The following IGSF23 variants were observed in gnomAD, a reference collection of about 807,000 sequenced individuals.
IGSF23 encodes the protein immunoglobulin superfamily member 23.
In IGSF23, 14 loss-of-function variants were observed where a neutral mutation model predicts 17.8. The observed-to-expected ratio is 0.79, with a 90% CI of 0.52 to 1.23. The LOEUF (loss-of-function observed/expected upper bound fraction) is 1.23, where lower values mean the gene tolerates loss of function less well. IGSF23 is among the 50% of genes most tolerant of loss of function. The pLI is 0.00. For synonymous variants in IGSF23, 85 were observed against 92.5 expected (o/e 0.92, Z 0.46); for missense variants, 214 against 241.7 (o/e 0.89, Z 0.76).
rs1474411038 is a variant in IGSF23, at chr19:44,621,893, C to CACA, written c.126-1814_126-1813insACA. ...TGGGTCTCGCATGCAGTATAACAAG[C>CACA]CATGGATTAACACGTGTGCTTGGCT... On this transcript the variant is annotated intron_variant, in intron 1 of 4. Coordinates refer to ENST00000402988, the MANE Select transcript of IGSF23 (RefSeq NM_001205280.2). Among the ~76,000 whole-genome samples, 40 of 152,234 alleles carry CACA rather than the reference C, an allele frequency of 2.6e-4. 1 individual carries two copies. The South Asian group carries it at 8.3e-3, about 32-fold the overall frequency.
intron 3 of IGSF23, among the ~76,000 whole-genome samples, chr19:44,629,399 G>T (rs1265364425): frequency 6.8e-6 from 1 of 146,122 alleles, no homozygotes; most frequent in Non-Finnish European, 1.5e-5. Context: ...CAAAACTAAA[G>T]TTTTTTTTTT....
At chr19:44,626,854 G>A (rs1972659986) in intron 2 of IGSF23, among the ~76,000 whole-genome samples, 1 of 151,902 alleles carries the variant, frequency 6.6e-6, no homozygotes, top group Non-Finnish European at 1.5e-5. Context: ...CCCAGGAGGT[G>A]GAGGTTGTAG....
At chr19:44,628,872 G>T (rs1019628949) in intron 3 of IGSF23, among the ~76,000 whole-genome samples, 1 of 152,166 alleles carries the variant, frequency 6.6e-6, no homozygotes, top group Non-Finnish European at 1.5e-5. Context: ...AACGAGTCAG[G>T]GAAGGCCTCC....
At position 44,627,438 on chromosome 19, in the gene IGSF23, C is replaced by T. The variant is rs890361315; in HGVS notation, c.410C>T (p.Thr137Ile). ...TCCCCAGAACCCATCATGCAGCCCA[C>T]AGAAGCAGAGCCCATGGAGCCAGAC... ...ISLPKPIMQPTEAEPMEPDPT... is the reference protein window; with the variant it reads ...ISLPKPIMQPIEAEPMEPDPT... The change falls in exon 3 of 5, where the codon ACA (threonine) becomes ATA (isoleucine). Residue 137 changes from threonine (T) to isoleucine (I), a missense_variant. Coordinates refer to ENST00000402988, the MANE Select transcript of IGSF23 (RefSeq NM_001205280.2). 3.4e-5 allele frequency: 53 copies of T among 1,545,446 alleles called. No individual in the cohort carries two copies. The East Asian group carries it at 1.2e-3, about 34-fold the overall frequency.
intron 1 of IGSF23, among the ~76,000 whole-genome samples, chr19:44,621,327 G>C (rs1972516202): frequency 1.3e-5 from 2 of 148,672 alleles, no homozygotes; most frequent in African/African-American, 5.0e-5. Context: ...CAAAGGACTT[G>C]ACTTCTTTGA....
chr19:44,620,274 C>T (rs1972484877), intron 1 of IGSF23, among the ~76,000 whole-genome samples: 1 of 151,806 alleles, frequency 6.6e-6, no homozygotes. Context: ...GTTTTTACTC[C>T]CCTCCCAGAG....
intron 1 of IGSF23, among the ~76,000 whole-genome samples, chr19:44,617,305 G>A (rs1030315707): frequency 3.3e-5 from 5 of 151,850 alleles, no homozygotes; most frequent in African/African-American, 9.7e-5. Context: ...TTGGGGTGAC[G>A]AAAATGTCCT....
chr19:44,624,287 C>A (rs1972590806), intron 2 of IGSF23, among the ~76,000 whole-genome samples: 1 of 147,272 alleles, frequency 6.8e-6, no homozygotes, highest in African/African-American at 2.5e-5. Flanking sequence ...ACTTCTTCTT[C>A]TTCTTTTTTT....
chr19:44,632,979 A>G (rs560364025), intron 3 of IGSF23, among the ~76,000 whole-genome samples: 1 of 152,396 alleles, frequency 6.6e-6, no homozygotes, highest in East Asian at 1.9e-4. Context: ...TATCAAAAGC[A>G]GTCAATACCT....
chr19:44,629,951 G>A (rs746816727), intron 3 of IGSF23, among the ~76,000 whole-genome samples: 18 of 152,098 alleles, frequency 1.2e-4, no homozygotes, highest in Non-Finnish European at 2.1e-4. Context: ...AAGAGCTGGG[G>A]AGGTGAGGGG....
Position 44,627,468 on chromosome 19 carries a change from C to T in IGSF23, c.440C>T (p.Thr147Ile). The T allele has an allele frequency of 6.4e-7, 1 of 1,550,468 alleles. No individual in the cohort carries two copies. The highest frequency in any genetic ancestry group is 8.7e-7 in the Non-Finnish European group (1 of 1,146,918). ...GCAGAGCCCATGGAGCCAGACCCCA[C>T]TCTGTCCCTGTCAGGAGGCTCTGCC... is the stretch of plus-strand genomic sequence containing the variant. Reference protein sequence around the residue: ...TEAEPMEPDPTLSLSGGSAIG... With the variant: ...TEAEPMEPDPILSLSGGSAIG... The change falls in exon 3 of 5, where the codon ACT becomes ATT. Residue 147 changes from threonine (T) to isoleucine (I), a missense_variant. Thr to Ile is a moderately conservative substitution (Grantham distance 89, BLOSUM62 -1). Transcript: ENST00000402988.
rs2123720402 is a variant in IGSF23 at position 44,623,956 on chromosome 19, A to G, written c.375A>G (p.Val125=). The G allele has an allele frequency of 6.5e-7, 1 of 1,549,844 alleles. No homozygotes were observed. Among genetic ancestry groups the G allele is most frequent in the Non-Finnish European group, 8.7e-7 (1 of 1,146,642 alleles). ...AGAAACAGCTGGTCTCTGAGCCTGTAACCATCTCGCTGCCAAGTGAGTCCC... is the reference window on the plus strand; with the variant it reads ...AGAAACAGCTGGTCTCTGAGCCTGTGACCATCTCGCTGCCAAGTGAGTCCC... ...NSKKQLVSEP[V]TISLPKPIMQ... The change falls in exon 2 of 5, where the codon GTA becomes GTG. Residue 125 remains valine, a synonymous_variant. Transcript: ENST00000402988.
chr19:44,623,433 C>G (rs938942107), intron 1 of IGSF23, among the ~76,000 whole-genome samples: 4 of 152,224 alleles, frequency 2.6e-5, no homozygotes, highest in Admixed American at 2.6e-4. Context: ...CCCAGCACTT[C>G]CAGCCTGCTG....
intron 3 of IGSF23, among the ~76,000 whole-genome samples, chr19:44,631,064 G>T (rs1972754251): frequency 1.3e-5 from 2 of 150,100 alleles, no homozygotes; most frequent in East Asian, 4.0e-4. Context: ...AGACCAGCCT[G>T]GGCAGCATAG....
At chr19:44,635,149 G>T (rs1797032909) in intron 3 of IGSF23, among the ~76,000 whole-genome samples, 1 of 152,142 alleles carries the variant, frequency 6.6e-6, no homozygotes, top group Non-Finnish European at 1.5e-5. Context: ...GTCCTCACGT[G>T]ACCTTTTCTC....
At chr19:44,620,013 G>A (rs762396774) in intron 1 of IGSF23, among the ~76,000 whole-genome samples, 2 of 152,184 alleles carry the variant, frequency 1.3e-5, no homozygotes, top group Non-Finnish European at 2.9e-5. Context: ...GCTCACGCCT[G>A]TAATCCCAGC....
At chr19:44,614,751 C>T (rs1972332222) in intron 1 of IGSF23, among the ~76,000 whole-genome samples, 1 of 152,066 alleles carries the variant, frequency 6.6e-6, no homozygotes, top group Non-Finnish European at 1.5e-5. Context: ...GTTCTAAGTG[C>T]TTTCCTATAG....
chr19:44,619,957 G>A (rs2123716754), intron 1 of IGSF23, among the ~76,000 whole-genome samples: 1 of 152,294 alleles, frequency 6.6e-6, no homozygotes, highest in Admixed American at 6.5e-5. Context: ...AGATTCTGAT[G>A]CTCTAACAAA....
intron 1 of IGSF23, among the ~76,000 whole-genome samples, chr19:44,615,100 T>A (rs1972340634): frequency 6.7e-6 from 1 of 150,300 alleles, no homozygotes; most frequent in Non-Finnish European, 1.5e-5. Context: ...CCATCCTGGC[T>A]AACACGGTGA....
Sources: gnomAD v4.1 joint callset for allele counts (sites outside exome capture counted in the v4.1 genomes callset) on GRCh38, gnomAD v4.1.1 for gene constraint, MANE v1.5 for transcripts, NCBI Gene and HGNC (gene_info 2026-07-23, HGNC 2026-07-21) for gene names.